Variants in TTC6 observed in about 807,000 individuals in gnomAD.
TTC6 encodes tetratricopeptide repeat domain 6.
A neutral mutation model predicts 210.4 loss-of-function variants in TTC6; 172 were observed. The ratio of observed to expected loss-of-function variants is 0.82; its 90% CI spans 0.72 to 0.93. The LOEUF is 0.93. TTC6 is among the 40% of genes least tolerant of loss of function. The pLI is 0.00. For synonymous variants in TTC6, 804 were observed against 819.6 expected (o/e 0.98, Z 0.32); for missense variants, 2,414 against 2,318.1 (o/e 1.04, Z -0.85).
intron 20 of TTC6, among the ~76,000 whole-genome samples, chr14:37,803,777 A>G (rs34306117): frequency 0.068 from 10,362 of 152,246 alleles, 525 homozygotes; most frequent in South Asian, 0.13. Flanking sequence ...AAAGGGGGGA[A>G]ATTGAGACAG....
At chr14:37,827,686 T>C (rs973852888) in intron 29 of TTC6, 4 of 206,280 alleles carry the variant, frequency 1.9e-5, no homozygotes, top group African/African-American at 9.3e-5. Context: ...CGATTTGATG[T>C]CTTGACATAT....
At chr14:37,838,811 A>G (rs759341419) in intron 29 of TTC6, among the ~76,000 whole-genome samples, 2 of 151,822 alleles carry the variant, frequency 1.3e-5, no homozygotes, top group Non-Finnish European at 2.9e-5. Context: ...TCCCTCCCCC[A>G]CCCACTGACA....
At chr14:37,635,318 A>G (rs966693054) in intron 1 of TTC6, among the ~76,000 whole-genome samples, 3 of 152,230 alleles carry the variant, frequency 2.0e-5, no homozygotes, top group Non-Finnish European at 2.9e-5. Context: ...AAAGGTATAC[A>G]AAGCGATTCA....
intron 14 of TTC6, among the ~76,000 whole-genome samples, chr14:37,759,260 C>G (rs1188422117): frequency 7.6e-6 from 1 of 131,570 alleles, no homozygotes; most frequent in Admixed American, 7.8e-5. Flanking sequence ...CAGACTCCAT[C>G]TCAAAAAAAA....
At chr14:37,700,730 C>G (rs558859749) in intron 4 of TTC6, among the ~76,000 whole-genome samples, 1 of 108,052 alleles carries the variant, frequency 9.3e-6, no homozygotes, top group East Asian at 2.9e-4. Context: ...GACTGGGTGA[C>G]AGAGTGAGAC....
chr14:37,825,336 G>A (rs1198664157), intron 27 of TTC6, among the ~76,000 whole-genome samples: 8 of 152,284 alleles, frequency 5.3e-5, no homozygotes, highest in Non-Finnish European at 1.2e-4. Context: ...TACCCAGAGA[G>A]AGAAGATTTG....
At chr14:37,781,865 A>G (rs1468382975) in intron 14 of TTC6, among the ~76,000 whole-genome samples, 13 of 152,160 alleles carry the variant, frequency 8.5e-5, no homozygotes, top group Admixed American at 8.5e-4. Flanking sequence ...TTTTCCCAGC[A>G]CCATTTATTA....
chr14:37,725,307 T>G (rs2095869593), intron 7 of TTC6, among the ~76,000 whole-genome samples: 1 of 83,656 alleles, frequency 1.2e-5, no homozygotes. Flanking sequence ...TATGTGTGTG[T>G]GTGTGTATAT....
upstream of TTC6, among the ~76,000 whole-genome samples, chr14:37,619,981 C>G (rs770081370): frequency 6.6e-6 from 1 of 152,048 alleles, no homozygotes; most frequent in Non-Finnish European, 1.5e-5. Flanking sequence ...TTAGTTGAAT[C>G]TTTCTTCAAT....
intron 7 of TTC6, among the ~76,000 whole-genome samples, chr14:37,727,363 G>C (rs2095875248): frequency 7.4e-6 from 1 of 135,220 alleles, no homozygotes; most frequent in Non-Finnish European, 1.5e-5. Flanking sequence ...GTGCGATCTT[G>C]GCTCACTGCA....
Position 37,795,657 on chromosome 14 carries a change from C to T in TTC6, c.3791+305C>T, listed in dbSNP as rs138137091. 1.4e-3 allele frequency among the ~76,000 whole-genome samples: 213 copies of T among 152,138 alleles called. 1 individual carries two copies. Among genetic ancestry groups the T allele is most frequent in the Middle Eastern group, 6.8e-3 (2 of 294 alleles). ...CACATATCTCATAAGAGTAAGGTAA[C>T]GTATTTTGAACAGTTGTTTTGATTA... is the stretch of plus-strand genomic sequence containing the variant. On this transcript the variant is annotated intron_variant, in intron 18 of 30. Coordinates refer to ENST00000553443, the Ensembl canonical transcript of TTC6.
intron 1 of TTC6, among the ~76,000 whole-genome samples, chr14:37,678,809 A>G (rs2095776221): frequency 6.6e-6 from 1 of 152,184 alleles, no homozygotes; most frequent in Non-Finnish European, 1.5e-5. Context: ...AATGGCCTGA[A>G]TTAGATCCTT....
intron 29 of TTC6, chr14:37,837,366 T>C (rs777873453): frequency 6.6e-6 from 3 of 454,664 alleles, no homozygotes; most frequent in Non-Finnish European, 1.3e-5. Context: ...TTGACTCATT[T>C]CTGAGAACTG....
intron 20 of TTC6, among the ~76,000 whole-genome samples, chr14:37,797,240 C>T (rs1023684945): frequency 3.3e-5 from 5 of 152,036 alleles, no homozygotes; most frequent in South Asian, 2.1e-4. Flanking sequence ...AAGGAAATGA[C>T]GCGTTGTTTC....
intron 6 of TTC6, among the ~76,000 whole-genome samples, chr14:37,716,508 T>A (rs2095852998): frequency 6.6e-6 from 1 of 151,954 alleles, no homozygotes; most frequent in African/African-American, 2.4e-5. Context: ...ACAAACACCA[T>A]TCAAAGAAAA....
chr14:37,761,984 C>G (rs1474865360), intron 14 of TTC6, among the ~76,000 whole-genome samples: 24 of 152,144 alleles, frequency 1.6e-4, no homozygotes, highest in Admixed American at 1.6e-3. Context: ...CCCCATTTTT[C>G]ATAACACCCA....
At position 37,834,782 on chromosome 14, in the gene TTC6, C is replaced by G. The variant is rs144231399; in HGVS notation, c.5299-6663C>G. 5.6e-4 allele frequency among the ~76,000 whole-genome samples: 85 copies of G among 152,280 alleles called. 1 individual carries two copies. The East Asian group carries it at 6.9e-3, about 12-fold the overall frequency. ...TGTCCTTACATTGATATCTGCTCAT[C>G]TGGTGTAACCATCACTTCTTCCAAT... On this transcript the variant is annotated intron_variant, in intron 29 of 30. Coordinates refer to ENST00000553443, the Ensembl canonical transcript of TTC6.
At chr14:37,756,823 G>A (rs988640255) in intron 14 of TTC6, among the ~76,000 whole-genome samples, 1 of 151,726 alleles carries the variant, frequency 6.6e-6, no homozygotes, top group Admixed American at 6.6e-5. Flanking sequence ...TTTTTGTTGT[G>A]TCTCTACCAG....
intron 2 of TTC6, among the ~76,000 whole-genome samples, chr14:37,612,180 T>C (rs1159753041): frequency 6.6e-6 from 1 of 152,212 alleles, no homozygotes; most frequent in Admixed American, 6.5e-5. Flanking sequence ...CTGCAATCAA[T>C]ATAACCGAAC....
Sources: allele counts gnomAD v4.1 joint callset (sites outside exome capture counted in the v4.1 genomes callset), GRCh38; gene constraint gnomAD v4.1.1; transcripts MANE v1.5; gene names NCBI Gene and HGNC (gene_info 2026-07-23, HGNC 2026-07-21).